PDE3B: variants seen among roughly 807,000 people sequenced by gnomAD.
PDE3B encodes cGMP-inhibited 3',5'-cyclic phosphodiesterase 3B.
A neutral mutation model predicts 116.8 loss-of-function variants in PDE3B; 66 were observed. The ratio of observed to expected loss-of-function variants is 0.56; its 90% CI spans 0.46 to 0.69. The LOEUF (loss-of-function observed/expected upper bound fraction) is 0.69, where lower values mean the gene tolerates loss of function less well. Ranked by LOEUF, PDE3B falls within the 30% of genes least tolerant of loss-of-function variation. The probability of loss-of-function intolerance (pLI) is 0.00; values close to 1 mark genes in which losing one functional copy is unlikely to be tolerated. For synonymous variants in PDE3B, 595 were observed against 533.6 expected, an observed-to-expected ratio of 1.12 and a Z score of -1.59; for missense variants, 1,384 against 1,368.1, an observed-to-expected ratio of 1.01 and a Z score of -0.18.
chr11:14,736,526 A>G (rs1856606062), intron 1 of PDE3B, among the ~76,000 whole-genome samples: 1 of 152,236 alleles, frequency 6.6e-6, no homozygotes, highest in African/African-American at 2.4e-5. Context: ...AATAAAGCCC[A>G]GTTATCATAA....
At chr11:14,801,932 G>A (rs1007943096) in intron 4 of PDE3B, among the ~76,000 whole-genome samples, 3 of 152,204 alleles carry the variant, frequency 2.0e-5, no homozygotes, top group Non-Finnish European at 4.4e-5. Context: ...TACACTGTGA[G>A]GGCAAAACGC....
chr11:14,772,997 C>T (rs1857688681), intron 2 of PDE3B: 1 of 151,898 alleles, frequency 6.6e-6, no homozygotes, highest in Non-Finnish European at 1.5e-5. Context: ...GGACCTTCAA[C>T]GCAGTGTTGA....
chr11:14,772,975 T>C (rs2133899536), intron 2 of PDE3B: 1 of 152,146 alleles, frequency 6.6e-6, no homozygotes, highest in South Asian at 2.1e-4. Flanking sequence ...TCTCATGTTA[T>C]TGTACTTTCT....
At chr11:14,666,576 C>G (rs1374859402) in intron 1 of PDE3B, among the ~76,000 whole-genome samples, 1 of 150,492 alleles carries the variant, frequency 6.6e-6, no homozygotes, top group African/African-American at 2.4e-5. Flanking sequence ...TGAACTCAAA[C>G]AAATTTACAA....
intron 2 of PDE3B, 29 bp from the exon 3 acceptor site, chr11:14,786,408 A>T: frequency 6.3e-7 from 1 of 1,579,476 alleles, no homozygotes; most frequent in Non-Finnish European, 8.7e-7. Flanking sequence ...TGTACAAATG[A>T]ATGAAAATTT....
chr11:14,644,342 C>G lies in PDE3B; in HGVS notation c.267C>G (p.Val89=), dbSNP rs770584990. 132 of 1,586,292 alleles carry G rather than the reference C, an allele frequency of 8.3e-5. No homozygotes were observed. The highest frequency in any genetic ancestry group is 1.1e-4 in the Non-Finnish European group (128 of 1,169,836). The change falls in exon 1 of 16, where the codon GTC becomes GTG. Residue 89 remains valine (V), a synonymous_variant. Transcript: ENST00000282096. ...RLSLGALAAF[V]LALLLGAEPE... ...CGCTGGGCGCCCTGGCTGCCTTTGT[C>G]CTCGCCCTGCTGCTGGGCGCGGAAC...
At chr11:14,669,559 C>CA (rs1854302272) in intron 1 of PDE3B, among the ~76,000 whole-genome samples, 1 of 151,714 alleles carries the variant, frequency 6.6e-6, no homozygotes, top group African/African-American at 2.4e-5. Flanking sequence ...GGGTGTGCTG[C>CA]ACGCATTAAC....
chr11:14,875,226 T>A (rs1318326539), downstream of PDE3B, among the ~76,000 whole-genome samples: 2 of 152,142 alleles, frequency 1.3e-5, no homozygotes, highest in Non-Finnish European at 2.9e-5. Context: ...TCCATAGCTA[T>A]CCCGTGAAGA....
At chr11:14,666,182 A>G (rs1854139010) in intron 1 of PDE3B, among the ~76,000 whole-genome samples, 2 of 149,126 alleles carry the variant, frequency 1.3e-5, no homozygotes, top group Non-Finnish European at 3.0e-5. Flanking sequence ...AGCAATGGGG[A>G]AAGGATTCCC....
intron 2 of PDE3B, chr11:14,775,832 T>C (rs1486916436): frequency 1.3e-5 from 2 of 152,286 alleles, no homozygotes; most frequent in Non-Finnish European, 2.9e-5. Flanking sequence ...AGACCACACT[T>C]GGCCATTTTG....
chr11:14,683,195 C>T (rs1854765353), intron 1 of PDE3B, among the ~76,000 whole-genome samples: 3 of 152,190 alleles, frequency 2.0e-5, no homozygotes, highest in Admixed American at 2.0e-4. Flanking sequence ...CTGCCTTGGC[C>T]TCCCAGAGTG....
chr11:14,850,175 C>G (rs1158595655), intron 12 of PDE3B, among the ~76,000 whole-genome samples: 2 of 151,910 alleles, frequency 1.3e-5, no homozygotes, highest in Non-Finnish European at 2.9e-5. Flanking sequence ...AGGATGAGTT[C>G]ATGTCCTTTG....
chr11:14,797,939 T>C (rs1330745112), intron 4 of PDE3B, among the ~76,000 whole-genome samples: 1 of 152,198 alleles, frequency 6.6e-6, no homozygotes, highest in African/African-American at 2.4e-5. Context: ...TCTTGCCCGA[T>C]TGCCCTGACC....
the PDE3B span, chr11:14,878,204 T>C: frequency 6.2e-7 from 1 of 1,613,292 alleles, no homozygotes; most frequent in South Asian, 1.1e-5. Context: ...AACTAGTTCA[T>C]GTGGAAAATG....
intron 1 of PDE3B, among the ~76,000 whole-genome samples, chr11:14,764,851 C>G (rs1215491840): frequency 2.0e-5 from 3 of 151,758 alleles, no homozygotes; most frequent in African/African-American, 7.3e-5. Context: ...TAATACTAGT[C>G]TCCTACCCCT....
At chr11:14,714,577 C>A (rs1010216254) in intron 1 of PDE3B, among the ~76,000 whole-genome samples, 1 of 150,588 alleles carries the variant, frequency 6.6e-6, no homozygotes, top group Admixed American at 6.6e-5. Flanking sequence ...ATGTTTTATA[C>A]CCTCAGATTT....
At chr11:14,834,842 AC>A (rs1185617070) in intron 10 of PDE3B, 139 bp from the exon 11 acceptor site, 32 of 475,282 alleles carry the variant, frequency 6.7e-5, no homozygotes, top group Non-Finnish European at 5.0e-5. Flanking sequence ...ACATCAAGAG[AC>A]TTTAGATGAA....
At chr11:14,829,955 G>A (rs1028889356) in intron 7 of PDE3B, among the ~76,000 whole-genome samples, 8 of 152,044 alleles carry the variant, frequency 5.3e-5, no homozygotes, top group East Asian at 1.9e-4. Flanking sequence ...TCTTTCATAC[G>A]CTTTTGAACT....
At chr11:14,684,733 T>A (rs748676784) in intron 1 of PDE3B, among the ~76,000 whole-genome samples, 1 of 152,180 alleles carries the variant, frequency 6.6e-6, no homozygotes, top group Non-Finnish European at 1.5e-5. Context: ...TGCATTCCTT[T>A]CCCAGAGTCT....
Sources: allele counts gnomAD v4.1 joint callset (sites outside exome capture counted in the v4.1 genomes callset), GRCh38; gene constraint gnomAD v4.1.1; transcripts MANE v1.5; gene names NCBI Gene and HGNC (gene_info 2026-07-23, HGNC 2026-07-21).